OPRM1: variants seen among roughly 807,000 people sequenced by gnomAD.
OPRM1 encodes the protein opioid receptor mu 1, also known as mu-type opioid receptor.
OPRM1 carries 27 observed loss-of-function variants against 31.8 expected under a neutral mutation model. The observed-to-expected ratio is 0.85, with a 90% CI of 0.63 to 1.17. OPRM1 has a LOEUF of 1.17. Ranked by LOEUF, OPRM1 falls within the 50% of genes most tolerant of loss-of-function variation. OPRM1 has a pLI of 0.00. For missense variants in OPRM1, 536 were observed against 511.1 expected (o/e 1.05, Z -0.47); for synonymous variants, 196 against 189.9 (o/e 1.03, Z -0.26).
intron 3 of OPRM1, among the ~76,000 whole-genome samples, chr6:154,103,427 T>C (rs1281264731): frequency 6.6e-6 from 1 of 152,240 alleles, no homozygotes; most frequent in Non-Finnish European, 1.5e-5. Flanking sequence ...AGAACATTAC[T>C]GGACCCGGAA....
chr6:154,071,399 C>T (rs1008501486), intron 1 of OPRM1, among the ~76,000 whole-genome samples: 8 of 152,184 alleles, frequency 5.3e-5, no homozygotes, highest in Non-Finnish European at 1.2e-4. Context: ...CTGTACCCAT[C>T]TGTCAGCATC....
In OPRM1 at chr6:154,160,124, G is replaced by A. The variant is rs944264937; in HGVS notation, c.1164+68652G>A. 19 of 1,016,200 alleles carry A rather than the reference G, an allele frequency of 1.9e-5. No individual in the cohort carries two copies. The African/African-American group carries it at 2.9e-4, about 16-fold the overall frequency. The allele number at this position is 1,016,200 out of a possible 1,614,324, so 62.9% of individuals were successfully genotyped here. A position where few individuals can be genotyped will look rare whatever the true frequency, so the allele number is the denominator to read the frequency against. On this transcript the variant is annotated intron_variant, in intron 3 of 3. Coordinates refer to the OPRM1 transcript ENST00000337049. ...ACCATCTTTACCAACTCTTTTACAA[G>A]TACACATATACATAAAATTACCAAA...
chr6:154,071,273 C>A (rs1047214367), intron 1 of OPRM1, among the ~76,000 whole-genome samples: 14 of 152,128 alleles, frequency 9.2e-5, no homozygotes, highest in Admixed American at 8.5e-4. Flanking sequence ...AGCTTTCATA[C>A]CCCCAGGTCT....
chr6:154,238,930 T>A (rs570608101), intron 3 of OPRM1, among the ~76,000 whole-genome samples: 2,112 of 147,422 alleles, frequency 0.014, 46 homozygotes, highest in African/African-American at 0.044. Flanking sequence ...TTGTTTTTTT[T>A]AAAAAAAAAA....
At chr6:154,062,454 C>T (rs1784603164) in intron 1 of OPRM1, among the ~76,000 whole-genome samples, 1 of 151,954 alleles carries the variant, frequency 6.6e-6, no homozygotes, top group Non-Finnish European at 1.5e-5. Context: ...ACTAATGGGA[C>T]TTCTTTGCTT....
chr6:154,195,337 T>C (rs532231585), intron 3 of OPRM1, among the ~76,000 whole-genome samples: 7 of 151,878 alleles, frequency 4.6e-5, no homozygotes, highest in East Asian at 1.9e-4. Context: ...TTAATAGAGA[T>C]GGGGTTTCAC....
intron 3 of OPRM1, among the ~76,000 whole-genome samples, chr6:154,205,139 C>A (rs1342037449): frequency 6.6e-6 from 1 of 152,216 alleles, no homozygotes; most frequent in Non-Finnish European, 1.5e-5. Context: ...TAGCCCATTG[C>A]CCTACTTCAT....
In OPRM1 at chr6:154,120,631, C is replaced by G. The variant is rs192704263; in HGVS notation, c.*1910C>G. On this transcript the variant is annotated 3_prime_UTR_variant, in exon 4 of 4. Coordinates refer to ENST00000330432, the MANE Select transcript of OPRM1 (RefSeq NM_000914.5). Reference sequence around the variant, plus strand: ...CCAAAAGTAAAATGGATAATTCAAACAGAACACAATGTAATATTTGTATGT... The same window carrying G: ...CCAAAAGTAAAATGGATAATTCAAAGAGAACACAATGTAATATTTGTATGT... Among the ~76,000 whole-genome samples, 40 of 152,140 alleles carry G rather than the reference C, an allele frequency of 2.6e-4. No homozygotes were observed. The East Asian group carries it at 3.7e-3, about 14-fold the overall frequency.
At chr6:154,164,267 G>T (rs1385714469) in intron 3 of OPRM1, among the ~76,000 whole-genome samples, 1 of 152,158 alleles carries the variant, frequency 6.6e-6, no homozygotes, top group Non-Finnish European at 1.5e-5. Flanking sequence ...TTTTAGAACA[G>T]GGTCTCTTCA....
At chr6:154,226,442 A>G (rs1779258654) in intron 3 of OPRM1, among the ~76,000 whole-genome samples, 1 of 151,790 alleles carries the variant, frequency 6.6e-6, no homozygotes, top group African/African-American at 2.4e-5. Flanking sequence ...ATCACTTTCT[A>G]GCCAGTTGCC....
intron 3 of OPRM1, among the ~76,000 whole-genome samples, chr6:154,150,798 G>T (rs1798480745): frequency 1.3e-5 from 2 of 152,274 alleles, no homozygotes; most frequent in South Asian, 2.1e-4. Flanking sequence ...TGTCACTCTT[G>T]TACCTGATTT....
chr6:154,063,086 A>C (rs1784709444), intron 1 of OPRM1, among the ~76,000 whole-genome samples: 1 of 152,096 alleles, frequency 6.6e-6, no homozygotes, highest in Non-Finnish European at 1.5e-5. Flanking sequence ...AATCTTAACT[A>C]TCCAGATATT....
At chr6:154,046,683 C>A (rs1781178030) in intron 1 of OPRM1, 1 of 152,136 alleles carries the variant, frequency 6.6e-6, no homozygotes, top group Non-Finnish European at 1.5e-5. Context: ...CTTTCCCCAT[C>A]AATTTCTCAG....
intron 3 of OPRM1, among the ~76,000 whole-genome samples, chr6:154,212,489 C>T (rs1389276952): frequency 1.3e-5 from 2 of 152,192 alleles, no homozygotes; most frequent in Admixed American, 6.5e-5. Flanking sequence ...GAAGTCTTTG[C>T]AAGCACTGGC....
At chr6:154,046,171 A>G (rs1402449957) in intron 1 of OPRM1, among the ~76,000 whole-genome samples, 1 of 152,216 alleles carries the variant, frequency 6.6e-6, no homozygotes, top group Non-Finnish European at 1.5e-5. Context: ...TTAACTATCA[A>G]AAACTCGTAA....
chr6:154,228,368 T>G (rs1017657684), intron 3 of OPRM1, among the ~76,000 whole-genome samples: 2 of 152,182 alleles, frequency 1.3e-5, no homozygotes, highest in African/African-American at 4.8e-5. Context: ...CTCGAAATCC[T>G]GATGTAATAA....
intron 3 of OPRM1, among the ~76,000 whole-genome samples, chr6:154,234,359 A>G (rs1419135232): frequency 6.6e-6 from 1 of 152,160 alleles, no homozygotes; most frequent in African/African-American, 2.4e-5. Flanking sequence ...GAACTTTATT[A>G]ACTTTTCTAC....
At chr6:154,106,303 A>T (rs925336074) in intron 3 of OPRM1, among the ~76,000 whole-genome samples, 1 of 152,208 alleles carries the variant, frequency 6.6e-6, no homozygotes, top group South Asian at 2.1e-4. Context: ...AGCAACTTCT[A>T]TTTTTGATGA....
chr6:154,147,298 A>G (rs1798384192), intron 3 of OPRM1, among the ~76,000 whole-genome samples: 1 of 152,128 alleles, frequency 6.6e-6, no homozygotes, highest in African/African-American at 2.4e-5. Flanking sequence ...CATATTGTTC[A>G]CTACATAGGA....
Sources: gnomAD v4.1 joint callset for allele counts (sites outside exome capture counted in the v4.1 genomes callset) on GRCh38, gnomAD v4.1.1 for gene constraint, MANE v1.5 for transcripts, NCBI Gene and HGNC (gene_info 2026-07-23, HGNC 2026-07-21) for gene names.